AKR1E2: variants seen among roughly 807,000 people sequenced by gnomAD.
AKR1E2 encodes the protein aldo-keto reductase family 1 member E2, also known as 1,5-anhydro-D-fructose reductase.
Under a neutral mutation model 41.9 loss-of-function variants are expected in AKR1E2, and 43 were observed. The ratio of observed to expected loss-of-function variants is 1.03; its 90% CI spans 0.80 to 1.32. AKR1E2 has a LOEUF of 1.32. Among genes scored for constraint, AKR1E2 ranks in the 40% most tolerant of loss-of-function variants. AKR1E2 has a pLI of 0.00. For synonymous variants in AKR1E2, 121 were observed against 138.9 expected, an observed-to-expected ratio of 0.87 and a Z score of 0.91; for missense variants, 423 against 396.5, an observed-to-expected ratio of 1.07 and a Z score of -0.57.
the AKR1E2 span, among the ~76,000 whole-genome samples, chr10:4,854,123 A>G: frequency 7.2e-6 from 1 of 139,802 alleles, no homozygotes; most frequent in African/African-American, 2.8e-5. Flanking sequence ...AGACAGAGTC[A>G]TGCTCTGCTG....
downstream of AKR1E2, among the ~76,000 whole-genome samples, chr10:4,850,516 T>G (rs1431383168): frequency 2.0e-5 from 3 of 152,186 alleles, no homozygotes; most frequent in African/African-American, 7.2e-5. Flanking sequence ...TTTGAGAAAC[T>G]GCCAACTGTT....
chr10:4,841,657 T>G, intron 6 of AKR1E2, 128 bp from the exon 7 acceptor site: 1 of 642,706 alleles, frequency 1.6e-6, no homozygotes, highest in Non-Finnish European at 2.4e-6. Context: ...TTTTAAAATT[T>G]CCTGTAGTCG....
downstream of AKR1E2, among the ~76,000 whole-genome samples, chr10:4,852,757 A>G (rs533851710): frequency 1.3e-5 from 2 of 152,176 alleles, no homozygotes; most frequent in African/African-American, 4.8e-5. Context: ...TGTTCTAAAA[A>G]TATTTTATTC....
chr10:4,862,526 T>A, the AKR1E2 span, among the ~76,000 whole-genome samples: 1 of 152,222 alleles, frequency 6.6e-6, no homozygotes, highest in Non-Finnish European at 1.5e-5. Context: ...TTGGGCAGTA[T>A]GGCCATTTTC....
chr10:4,852,174 G>A (rs1834536851), downstream of AKR1E2, among the ~76,000 whole-genome samples: 2 of 152,198 alleles, frequency 1.3e-5, no homozygotes, highest in African/African-American at 4.8e-5. Context: ...GGATTGGTGA[G>A]TCACACGAGT....
rs750088960 is a variant in AKR1E2 at position 4,835,788 on chromosome 10, G to A, written c.438G>A (p.Thr146=). Residue 146 remains threonine (T), a synonymous_variant, in exon 4 of 10, where the codon ACG becomes ACA. Transcript: ENST00000298375. Reference sequence around the variant, plus strand: ...GCAACATGGTTATTCCCAGTGACACGGACTTCCTGGACACGTGGGAGGTGA... The same window carrying A: ...GCAACATGGTTATTCCCAGTGACACAGACTTCCTGGACACGTGGGAGGTGA... ...DESNMVIPSD[T]DFLDTWEAME... The A allele has an allele frequency of 5.6e-6, 9 of 1,614,002 alleles. No homozygotes were observed. The highest frequency in any genetic ancestry group is 1.1e-5 in the South Asian group (1 of 91,082).
chr10:4,854,085 GTTTTTTTT>G, the AKR1E2 span, among the ~76,000 whole-genome samples: 4 of 129,308 alleles, frequency 3.1e-5, 1 homozygote, highest in African/African-American at 1.2e-4. Context: ...CTCCTTTACT[GTTTTTTTT>G]TTTTTTTTTT....
chr10:4,862,936 G>A, the AKR1E2 span, among the ~76,000 whole-genome samples: 136,042 of 152,022 alleles, frequency 0.89, 61,753 homozygotes, highest in East Asian at 0.98. Context: ...TGCACCCAAT[G>A]TAGGGGCACC....
chr10:4,865,337 A>G, the AKR1E2 span, among the ~76,000 whole-genome samples: 2 of 152,208 alleles, frequency 1.3e-5, no homozygotes, highest in Non-Finnish European at 1.5e-5. Context: ...CCTGTACTCT[A>G]TATTTATTCC....
intron 5 of AKR1E2, among the ~76,000 whole-genome samples, chr10:4,838,538 G>A (rs1212510277): frequency 6.6e-6 from 1 of 152,146 alleles, no homozygotes; most frequent in Non-Finnish European, 1.5e-5. Context: ...AAAAAGTTCT[G>A]TATGGAGTAG....
At chr10:4,862,842 C>G in the AKR1E2 span, among the ~76,000 whole-genome samples, 3 of 151,986 alleles carry the variant, frequency 2.0e-5, no homozygotes, top group East Asian at 5.8e-4. Context: ...GACTTTAAAC[C>G]AACAAAGATC....
At chr10:4,842,373 A>C (rs774249006) in intron 7 of AKR1E2, 48 bp from the exon 8 acceptor site, 1 of 1,536,776 alleles carries the variant, frequency 6.5e-7, no homozygotes, top group Non-Finnish European at 9.0e-7. Flanking sequence ...AACTTAGACT[A>C]CATGGGATTT....
At chr10:4,866,344 T>C in the AKR1E2 span, among the ~76,000 whole-genome samples, 6 of 152,218 alleles carry the variant, frequency 3.9e-5, no homozygotes, top group Non-Finnish European at 8.8e-5. Context: ...TAAATTAAAC[T>C]GCATTTTGAG....
At chr10:4,853,714 A>AT in the AKR1E2 span, among the ~76,000 whole-genome samples, 1 of 144,514 alleles carries the variant, frequency 6.9e-6, no homozygotes, top group African/African-American at 2.5e-5. Context: ...TCCACCTTGA[A>AT]TAGGGGCTGA....
chr10:4,836,937 C>T (rs1204576660), intron 4 of AKR1E2, among the ~76,000 whole-genome samples: 1 of 152,098 alleles, frequency 6.6e-6, no homozygotes, highest in Non-Finnish European at 1.5e-5. Flanking sequence ...GTGACCAGCT[C>T]AGAGCTTTAG....
At chr10:4,844,497 G>A (rs550461764) in intron 8 of AKR1E2, among the ~76,000 whole-genome samples, 1 of 152,130 alleles carries the variant, frequency 6.6e-6, no homozygotes, top group Non-Finnish European at 1.5e-5. Flanking sequence ...CTCTTATCTG[G>A]CCCCACCCAC....
chr10:4,847,352 C>G (rs1018689167), intron 9 of AKR1E2, 122 bp downstream of exon 9: 1 of 1,548,530 alleles, frequency 6.5e-7, no homozygotes, highest in East Asian at 2.3e-5. Flanking sequence ...ATAATTCTTT[C>G]CTGTTTGAAG....
At chr10:4,837,807 C>T (rs1328216640) in intron 5 of AKR1E2, among the ~76,000 whole-genome samples, 1 of 152,194 alleles carries the variant, frequency 6.6e-6, no homozygotes, top group East Asian at 1.9e-4. Flanking sequence ...TGAGCTGGTG[C>T]TTGGCCCTCC....
downstream of AKR1E2, among the ~76,000 whole-genome samples, chr10:4,849,599 A>C (rs940337463): frequency 6.6e-6 from 1 of 152,234 alleles, no homozygotes; most frequent in Non-Finnish European, 1.5e-5. Flanking sequence ...GGTGGTTACC[A>C]GAGGCTGGGG....
Sources: gnomAD v4.1 joint callset for allele counts (sites outside exome capture counted in the v4.1 genomes callset) on GRCh38, gnomAD v4.1.1 for gene constraint, MANE v1.5 for transcripts, NCBI Gene and HGNC (gene_info 2026-07-23, HGNC 2026-07-21) for gene names.